The following RNFT2 variants were observed in gnomAD, a reference collection of about 807,000 sequenced individuals.
RNFT2 encodes the protein ring finger protein, transmembrane 2, also known as E3 ubiquitin-protein ligase RNFT2.
In RNFT2, 36 loss-of-function variants were observed where a neutral mutation model predicts 53.0. The observed-to-expected ratio is 0.68, with a 90% CI of 0.52 to 0.90. The LOEUF is 0.90. RNFT2 is among the 40% of genes least tolerant of loss of function. RNFT2 has a pLI of 0.00. For missense variants in RNFT2, 514 were observed against 585.6 expected, an observed-to-expected ratio of 0.88 and a Z score of 1.26; for synonymous variants, 260 against 253.2, an observed-to-expected ratio of 1.03 and a Z score of -0.26.
At chr12:116,843,681 G>A (rs1034723717) in intron 10 of RNFT2, among the ~76,000 whole-genome samples, 3 of 137,772 alleles carry the variant, frequency 2.2e-5, no homozygotes, top group South Asian at 4.9e-4. Context: ...GCAGTCCACA[G>A]CCGTGAACTC....
At chr12:116,743,993 A>G (rs1197818232) in intron 3 of RNFT2, among the ~76,000 whole-genome samples, 2 of 152,086 alleles carry the variant, frequency 1.3e-5, no homozygotes, top group Non-Finnish European at 2.9e-5. Context: ...TTGCGGGGGT[A>G]AGGCAGGCTG....
At chr12:116,844,678 C>A (rs1031831856) in intron 10 of RNFT2, among the ~76,000 whole-genome samples, 2 of 152,112 alleles carry the variant, frequency 1.3e-5, no homozygotes, top group Non-Finnish European at 2.9e-5. Context: ...GGTCTTAGCA[C>A]CAGAATATCT....
rs10527732 is a variant in RNFT2 at position 116,809,187 on chromosome 12, G to GTTCA, written c.883-24571_883-24568dup. On this transcript the variant is annotated intron_variant, in intron 7 of 10. Coordinates refer to ENST00000257575, the MANE Select transcript of RNFT2 (RefSeq NM_001382266.1). The stretch of plus-strand genomic sequence containing the variant: ...GCTGGGCACAGTTAGAGCTGAGTTT[G>GTTCA]TTCATTCATTCATTCATTCATTCAT... Among the ~76,000 whole-genome samples, 356 of 150,952 alleles carry GTTCA rather than the reference G, an allele frequency of 2.4e-3. 1 individual carries two copies. The highest frequency in any genetic ancestry group is 3.7e-3 in the Non-Finnish European group (250 of 67,730).
chr12:116,750,910 T>A (rs1263110090), intron 4 of RNFT2, among the ~76,000 whole-genome samples: 15 of 62,752 alleles, frequency 2.4e-4, no homozygotes, highest in Non-Finnish European at 3.8e-4. Context: ...ATATATATAT[T>A]TTTTTTTGAG....
Position 116,836,252 on chromosome 12 carries a change from G to A in RNFT2, c.1170G>A (p.Glu390=), listed in dbSNP as rs1167943382. 6.3e-7 allele frequency: 1 copy of A among 1,584,490 alleles called. No individual in the cohort carries two copies. The highest frequency in any genetic ancestry group is 8.6e-7 in the Non-Finnish European group (1 of 1,165,298). Residue 390 remains glutamate (E), a synonymous_variant, in exon 10 of 11, where the codon GAG becomes GAA. Coordinates refer to ENST00000257575, the MANE Select transcript of RNFT2 (RefSeq NM_001382266.1). ...ACATCTGCGCCATCTGTCAGGCCGA[G>A]TTCCGAGAGCCTCTGATTCTCCTGT... ...AGDICAICQA[E]FREPLILLCQ...
intron 7 of RNFT2, among the ~76,000 whole-genome samples, chr12:116,810,389 G>A (rs919108466): frequency 2.0e-5 from 3 of 152,256 alleles, no homozygotes; most frequent in South Asian, 2.1e-4. Flanking sequence ...CGGGGTGTGC[G>A]TTTTTCCAGA....
intron 10 of RNFT2, among the ~76,000 whole-genome samples, chr12:116,841,328 C>T (rs571577254): frequency 6.6e-6 from 1 of 152,240 alleles, no homozygotes; most frequent in East Asian, 1.9e-4. Flanking sequence ...TGGTGCACGC[C>T]TGTGGTCCCA....
chr12:116,749,290 C>G (rs1341069983), intron 3 of RNFT2, among the ~76,000 whole-genome samples: 3 of 112,920 alleles, frequency 2.7e-5, no homozygotes, highest in Non-Finnish European at 5.2e-5. Flanking sequence ...CCCCCCCCAC[C>G]ACCCCTTTTG....
At chr12:116,815,150 C>T (rs1307736525) in intron 7 of RNFT2, among the ~76,000 whole-genome samples, 4 of 152,190 alleles carry the variant, frequency 2.6e-5, no homozygotes, top group Admixed American at 6.5e-5. Flanking sequence ...GTTGTAACCA[C>T]AGCTCAGAGG....
chr12:116,800,159 G>T (rs531912007), intron 7 of RNFT2, among the ~76,000 whole-genome samples: 11 of 152,156 alleles, frequency 7.2e-5, no homozygotes, highest in Admixed American at 4.6e-4. Context: ...TCCCCCTACA[G>T]TCTGCAGAAC....
intron 7 of RNFT2, among the ~76,000 whole-genome samples, chr12:116,782,384 G>A (rs1160287936): frequency 6.6e-6 from 1 of 151,770 alleles, no homozygotes. Context: ...AAAATTAGCT[G>A]AGTGTGGTGA....
At chr12:116,785,019 G>T (rs1238529497) in intron 7 of RNFT2, among the ~76,000 whole-genome samples, 3 of 152,102 alleles carry the variant, frequency 2.0e-5, no homozygotes, top group Non-Finnish European at 4.4e-5. Flanking sequence ...AGGCTACAAA[G>T]CCTACCCAGC....
rs553656812 is a variant in RNFT2, at chr12:116,771,202, G to C, written c.728+4288G>C. Among the ~76,000 whole-genome samples, 24 of 152,022 alleles carry C rather than the reference G, an allele frequency of 1.6e-4. 1 individual carries two copies. Among genetic ancestry groups the C allele is most frequent in the Admixed American group, 3.9e-4 (6 of 15,248 alleles). On this transcript the variant is annotated intron_variant, in intron 6 of 10. Coordinates refer to ENST00000257575, the MANE Select transcript of RNFT2 (RefSeq NM_001382266.1). ...TAGTCCAGGTGCGTTGGCTCACGCT[G>C]TAATCCCAGCACTTTGGGAGGCCGA...
At chr12:116,795,401 C>T (rs1874456208) in intron 7 of RNFT2, among the ~76,000 whole-genome samples, 1 of 150,828 alleles carries the variant, frequency 6.6e-6, no homozygotes, top group Non-Finnish European at 1.5e-5. Flanking sequence ...GAGTGAGACT[C>T]CATCTCCAGA....
chr12:116,771,460 T>TAAAA (rs35911608), intron 6 of RNFT2, among the ~76,000 whole-genome samples: 4 of 64,122 alleles, frequency 6.2e-5, no homozygotes, highest in African/African-American at 2.4e-4. Flanking sequence ...ATCCTATCGT[T>TAAAA]AAAAAAAAAA....
intron 7 of RNFT2, among the ~76,000 whole-genome samples, chr12:116,832,340 C>G (rs914342799): frequency 4.6e-5 from 7 of 151,854 alleles, no homozygotes; most frequent in African/African-American, 1.7e-4. Context: ...TGACTGTCTT[C>G]TTTGATTCGA....
Position 116,852,707 on chromosome 12 carries a change from G to A in RNFT2, c.*3259G>A. ...GGAGAAGATTGATGAAAGTGCAGGT[G>A]TGTAAGGAAATAGAACAGTCTGCTG... On this transcript the variant is annotated 3_prime_UTR_variant, in exon 11 of 11. Coordinates refer to ENST00000257575, the MANE Select transcript of RNFT2 (RefSeq NM_001382266.1). 1 of 1,613,864 alleles carries A rather than the reference G, an allele frequency of 6.2e-7. No individual in the cohort carries two copies. The highest frequency in any genetic ancestry group is 8.5e-7 in the Non-Finnish European group (1 of 1,179,746).
rs762043905 is a variant in RNFT2, at chr12:116,852,627, C to A, written c.*3179C>A. On this transcript the variant is annotated 3_prime_UTR_variant, in exon 11 of 11. Transcript: ENST00000257575. ...AGGAACTTCTGCAACTGGTTTTTAT[C>A]GGAAAGATCATCCTGCCTGCAGATG... 2 of 1,613,746 alleles carry A rather than the reference C, an allele frequency of 1.2e-6. No individual in the cohort carries two copies. The highest frequency in any genetic ancestry group is 1.1e-5 in the South Asian group (1 of 91,072).
At position 116,852,595 on chromosome 12, in the gene RNFT2, A is replaced by T; in HGVS notation, c.*3147A>T. ...CCTACCCTGAGGAAAAACCAAAGGGAAGCAACAGGAACTTCTGCAACTGGT... is the reference window on the plus strand; with the variant it reads ...CCTACCCTGAGGAAAAACCAAAGGGTAGCAACAGGAACTTCTGCAACTGGT... On this transcript the variant is annotated 3_prime_UTR_variant, in exon 11 of 11. Coordinates refer to ENST00000257575, the MANE Select transcript of RNFT2 (RefSeq NM_001382266.1). 1 of 1,613,588 alleles carries T rather than the reference A, an allele frequency of 6.2e-7. No homozygotes were observed. The highest frequency in any genetic ancestry group is 8.5e-7 in the Non-Finnish European group (1 of 1,179,614).
Sources: allele counts gnomAD v4.1 joint callset (sites outside exome capture counted in the v4.1 genomes callset), GRCh38; gene constraint gnomAD v4.1.1; transcripts MANE v1.5; gene names NCBI Gene and HGNC (gene_info 2026-07-23, HGNC 2026-07-21).